The following SSH2 variants were observed in gnomAD, a reference collection of about 807,000 sequenced individuals.
SSH2 encodes the protein slingshot protein phosphatase 2, also known as protein phosphatase Slingshot homolog 2.
In SSH2, 37 loss-of-function variants were observed where a neutral mutation model predicts 135.2. The ratio of observed to expected loss-of-function variants is 0.27; its 90% CI spans 0.21 to 0.36. The LOEUF is 0.36. Among genes scored for constraint, SSH2 ranks in the 10% least tolerant of loss-of-function variants. The pLI is 1.00. For missense variants in SSH2, 1,408 were observed against 1,765.3 expected (o/e 0.80, Z 3.63); for synonymous variants, 628 against 646.2 (o/e 0.97, Z 0.43).
At position 29,650,815 on chromosome 17, in the gene SSH2, A is replaced by G; in HGVS notation, c.1080-15T>C. ...TATACCGTACCCTGCAAGGAAACCA[A>G]GGGAGAATATGTGCTCTACTACTCA... is the stretch of plus-strand genomic sequence containing the variant. On this transcript the variant is annotated splice_polypyrimidine_tract_variant and intron_variant, in intron 12 of 15. Coordinates refer to ENST00000540801, the MANE Select transcript of SSH2 (RefSeq NM_001282129.2). 6.3e-7 allele frequency: 1 copy of G among 1,592,172 alleles called. No individual in the cohort carries two copies. Among genetic ancestry groups the G allele is most frequent in the Non-Finnish European group, 8.6e-7 (1 of 1,167,972 alleles).
Position 29,716,357 on chromosome 17 carries a change from C to T in SSH2, c.189-13295G>A, listed in dbSNP as rs148481498. 32 of 478,684 alleles carry T rather than the reference C, an allele frequency of 6.7e-5. 1 individual carries two copies. Among genetic ancestry groups the T allele is most frequent in the African/African-American group, 5.8e-4 (29 of 50,124 alleles). The allele number at this position is 478,684 out of a possible 1,614,324, so 29.7% of individuals were successfully genotyped here. A position where few individuals can be genotyped will look rare whatever the true frequency, so the allele number is the denominator to read the frequency against. On this transcript the variant is annotated intron_variant, in intron 3 of 15. Coordinates refer to ENST00000540801, the MANE Select transcript of SSH2 (RefSeq NM_001282129.2). ...CACGTGCTTCAGGAAGCTGTCTTGGCTCTTAGAGTGCTTTATGTGCTCAAT... is the reference window on the plus strand; with the variant it reads ...CACGTGCTTCAGGAAGCTGTCTTGGTTCTTAGAGTGCTTTATGTGCTCAAT...
chr17:29,630,417 C>G lies in SSH2; in HGVS notation c.*424G>C. On this transcript the variant is annotated 3_prime_UTR_variant, in exon 16 of 16. Transcript: ENST00000540801. The stretch of plus-strand genomic sequence containing the variant: ...GATGCCTCAGGTCTGGAAACCAAAC[C>G]ATCATCACAAAGGCAGGGGAACATC... The G allele has an allele frequency of 6.5e-6, 1 of 154,094 alleles. No homozygotes were observed. Among genetic ancestry groups the G allele is most frequent in the Non-Finnish European group, 1.4e-5 (1 of 69,474 alleles). 9.5% of individuals were successfully genotyped at this position (154,094 alleles called of 1,614,324 possible).
intron 2 of SSH2, among the ~76,000 whole-genome samples, chr17:29,816,831 G>A (rs987310344): frequency 6.6e-6 from 1 of 151,938 alleles, no homozygotes; most frequent in Non-Finnish European, 1.5e-5. Context: ...CTAACACACT[G>A]GAAATCATAA....
chr17:29,875,056 C>G (rs1374815268), intron 1 of SSH2, among the ~76,000 whole-genome samples: 1 of 152,090 alleles, frequency 6.6e-6, no homozygotes, highest in African/African-American at 2.4e-5. Flanking sequence ...ATCATAAAGT[C>G]ATAAAATCAT....
At chr17:29,695,865 T>G (rs2038704686) in intron 4 of SSH2, among the ~76,000 whole-genome samples, 1 of 152,140 alleles carries the variant, frequency 6.6e-6, no homozygotes, top group Non-Finnish European at 1.5e-5. Context: ...TGGCTGTTTT[T>G]GGGCCCACTG....
At chr17:29,758,740 A>G (rs1045709095) in intron 3 of SSH2, among the ~76,000 whole-genome samples, 1 of 152,176 alleles carries the variant, frequency 6.6e-6, no homozygotes, top group African/African-American at 2.4e-5. Flanking sequence ...CTGTCTTTTA[A>G]AAATTATTTT....
intron 4 of SSH2, among the ~76,000 whole-genome samples, chr17:29,700,946 T>G (rs1253239286): frequency 6.6e-6 from 1 of 151,624 alleles, no homozygotes; most frequent in Non-Finnish European, 1.5e-5. Context: ...CGCACCACCA[T>G]GCCTGCTAAT....
chr17:29,631,625 CT>C lies in SSH2; in HGVS notation c.3568del (p.Ser1190ValfsTer19). 2 of 1,614,148 alleles carry C rather than the reference CT, an allele frequency of 1.2e-6. No homozygotes were observed. The highest frequency in any genetic ancestry group is 1.7e-6 in the Non-Finnish European group (2 of 1,180,024). On this transcript the variant is annotated frameshift_variant, in exon 16 of 16. Coordinates refer to ENST00000540801, the MANE Select transcript of SSH2 (RefSeq NM_001282129.2). LOFTEE classifies it high-confidence loss of function. ...GCCACTGGAGAGAGGGCTCTCCTGACTTTCTTCCCAGCTAACCTGTTCTGCA... is the reference window on the plus strand; with the variant it reads ...GCCACTGGAGAGAGGGCTCTCCTGACTTCTTCCCAGCTAACCTGTTCTGCA... ...PSAEQVSWEE[S>X]QESPLSSGSE...
chr17:29,680,414 GCAGA>G (rs1255195711), intron 6 of SSH2, among the ~76,000 whole-genome samples: 1 of 151,692 alleles, frequency 6.6e-6, no homozygotes, highest in Non-Finnish European at 1.5e-5. Context: ...GGGTGCAGGG[GCAGA>G]CAGACACCTG....
At chr17:29,797,216 C>T (rs1319021962) in intron 2 of SSH2, among the ~76,000 whole-genome samples, 2 of 151,990 alleles carry the variant, frequency 1.3e-5, no homozygotes, top group East Asian at 3.9e-4. Flanking sequence ...TATGTGTCTA[C>T]GTAATTCAAA....
chr17:29,887,330 A>G (rs2066257780), intron 1 of SSH2, among the ~76,000 whole-genome samples: 1 of 152,200 alleles, frequency 6.6e-6, no homozygotes, highest in Non-Finnish European at 1.5e-5. Context: ...TAGAGGATAA[A>G]CTTGAGCTTT....
chr17:29,815,662 T>C (rs562342259), intron 2 of SSH2, among the ~76,000 whole-genome samples: 2 of 152,308 alleles, frequency 1.3e-5, no homozygotes, highest in African/African-American at 4.8e-5. Context: ...TGGAAGATCA[T>C]CAACAAGTGA....
At chr17:29,900,875 A>C (rs965247985) in intron 1 of SSH2, among the ~76,000 whole-genome samples, 1 of 152,218 alleles carries the variant, frequency 6.6e-6, no homozygotes, top group Non-Finnish European at 1.5e-5. Context: ...ACTTGGAACC[A>C]ACCCAAATGT....
At chr17:29,739,810 C>T (rs566400714) in intron 3 of SSH2, among the ~76,000 whole-genome samples, 1 of 152,270 alleles carries the variant, frequency 6.6e-6, no homozygotes, top group Admixed American at 6.5e-5. Context: ...TTGATATCTG[C>T]GTTCTCACAG....
At chr17:29,634,314 A>C (rs1415625666) in intron 15 of SSH2, among the ~76,000 whole-genome samples, 1 of 152,236 alleles carries the variant, frequency 6.6e-6, no homozygotes, top group African/African-American at 2.4e-5. Flanking sequence ...CATTAGGTGA[A>C]GTTTGGTATG....
chr17:29,700,971 C>A (rs912457191), intron 4 of SSH2, among the ~76,000 whole-genome samples: 3 of 149,554 alleles, frequency 2.0e-5, no homozygotes, highest in African/African-American at 4.9e-5. Context: ...GTATTTTTTT[C>A]TTTTTTTCTT....
intron 3 of SSH2, among the ~76,000 whole-genome samples, chr17:29,707,951 T>C (rs2039274276): frequency 6.6e-6 from 1 of 151,872 alleles, no homozygotes; most frequent in African/African-American, 2.4e-5. Context: ...CCCTCAGTTA[T>C]CAAAAAAGTG....
intron 3 of SSH2, among the ~76,000 whole-genome samples, chr17:29,730,458 C>A: frequency 6.9e-6 from 1 of 144,702 alleles, no homozygotes. Context: ...TTTTTGGAGA[C>A]AAGGTCTTAC....
intron 2 of SSH2, among the ~76,000 whole-genome samples, chr17:29,812,391 C>T (rs576792896): frequency 1.2e-3 from 184 of 152,060 alleles, no homozygotes; most frequent in African/African-American, 4.3e-3. Context: ...TCACGTGATT[C>T]TCTCACCTCA....
Sources: gnomAD v4.1 joint callset for allele counts (sites outside exome capture counted in the v4.1 genomes callset) on GRCh38, gnomAD v4.1.1 for gene constraint, MANE v1.5 for transcripts, NCBI Gene and HGNC (gene_info 2026-07-23, HGNC 2026-07-21) for gene names.